INPP4A: variants seen among roughly 807,000 people sequenced by gnomAD.
INPP4A encodes inositol polyphosphate-4-phosphatase, type I, 107kD.
Under a neutral mutation model 119.8 loss-of-function variants are expected in INPP4A, and 33 were observed. The ratio of observed to expected loss-of-function variants is 0.28; its 90% confidence interval spans 0.21 to 0.37. INPP4A has a LOEUF of 0.37. Among genes scored for constraint, INPP4A ranks in the 10% least tolerant of loss-of-function variants. INPP4A has a pLI of 1.00. For missense variants in INPP4A, 956 were observed against 1,289.9 expected, an observed-to-expected ratio of 0.74 and a Z score of 3.97; for synonymous variants, 496 against 500.7, an observed-to-expected ratio of 0.99 and a Z score of 0.12.
chr2:98,501,325 CTT>C (rs1683076784), intron 1 of INPP4A, among the ~76,000 whole-genome samples: 2 of 151,440 alleles, frequency 1.3e-5, no homozygotes, highest in South Asian at 4.2e-4. Context: ...CAGAACAAGA[CTT>C]TGTCTCAAAA....
intron 1 of INPP4A, among the ~76,000 whole-genome samples, chr2:98,455,877 T>C (rs1325417130): frequency 6.6e-6 from 1 of 152,214 alleles, no homozygotes; most frequent in Non-Finnish European, 1.5e-5. Flanking sequence ...GATATGTCAG[T>C]GGAGAGGGAA....
intron 1 of INPP4A, among the ~76,000 whole-genome samples, chr2:98,450,862 C>T (rs977368455): frequency 6.6e-6 from 1 of 152,142 alleles, no homozygotes; most frequent in African/African-American, 2.4e-5. Context: ...ACCTCCGCCC[C>T]CTGGGTTCAA....
intron 15 of INPP4A, 50 bp from the exon 16 acceptor site, chr2:98,555,503 G>T (rs200475920): frequency 6.5e-6 from 10 of 1,546,360 alleles, no homozygotes; most frequent in Non-Finnish European, 8.8e-6. Flanking sequence ...TGTTATGTTT[G>T]TGTTTCTGTT....
chr2:98,460,212 G>A (rs145831114), intron 1 of INPP4A, among the ~76,000 whole-genome samples: 64 of 152,236 alleles, frequency 4.2e-4, no homozygotes, highest in African/African-American at 1.5e-3. Flanking sequence ...GTGCAAGGGT[G>A]CAGAGAAGCC....
chr2:98,470,248 C>T (rs933141369), intron 1 of INPP4A, among the ~76,000 whole-genome samples: 5 of 152,232 alleles, frequency 3.3e-5, no homozygotes, highest in South Asian at 2.1e-4. Flanking sequence ...GACTGGGGAG[C>T]GGCCCCTGGA....
intron 10 of INPP4A, among the ~76,000 whole-genome samples, chr2:98,542,994 A>C (rs1691779547): frequency 6.6e-6 from 1 of 151,178 alleles, no homozygotes; most frequent in Admixed American, 6.6e-5. Context: ...ATCCTGGCTC[A>C]CTGCAAGCCC....
rs74831847 is a variant in INPP4A, at chr2:98,554,381, T to G, written c.1458T>G (p.Thr486=). The G allele has an allele frequency of 1.9e-6, 3 of 1,613,742 alleles. No individual in the cohort carries two copies. Among genetic ancestry groups the G allele is most frequent in the Non-Finnish European group, 2.5e-6 (3 of 1,179,798 alleles). Residue 486 remains threonine, a synonymous_variant, in exon 15 of 25, where the codon ACT becomes ACG. Coordinates refer to ENST00000409851, the MANE Select transcript of INPP4A (RefSeq NM_001134225.2). The surrounding 1 kb of genome is among the most constrained non-coding windows in gnomAD (Gnocchi z 4.7). The part of the protein sequence containing the change: ...YIASKASPTS[T]EEEQVMLRND... ...CCTCCAAGGCCTCTCCCACTTCGAC[T>G]GAGGAGGAGCAGGTGATGCTTAGAA...
intron 1 of INPP4A, among the ~76,000 whole-genome samples, chr2:98,490,975 T>G (rs1574706401): frequency 6.6e-6 from 1 of 152,072 alleles, no homozygotes; most frequent in Non-Finnish European, 1.5e-5. Context: ...CATTTTAATT[T>G]AAAAAATTAC....
intron 1 of INPP4A, among the ~76,000 whole-genome samples, chr2:98,475,850 A>G (rs1677094870): frequency 1.3e-5 from 2 of 152,210 alleles, no homozygotes; most frequent in Non-Finnish European, 2.9e-5. Context: ...CTTGCCTGCC[A>G]CTAATTTTAA....
chr2:98,457,406 CA>C (rs967071887), intron 1 of INPP4A, among the ~76,000 whole-genome samples: 1 of 152,178 alleles, frequency 6.6e-6, no homozygotes. Context: ...AACAAACAAA[CA>C]AAAACAGGAT....
intron 23 of INPP4A, among the ~76,000 whole-genome samples, chr2:98,576,767 C>T (rs569237407): frequency 6.6e-6 from 1 of 152,330 alleles, no homozygotes; most frequent in African/African-American, 2.4e-5. Flanking sequence ...CTACAGGCGG[C>T]AGGCCCCCAA....
intron 4 of INPP4A, among the ~76,000 whole-genome samples, chr2:98,526,060 A>G (rs747415060): frequency 1.3e-5 from 2 of 152,268 alleles, no homozygotes; most frequent in African/African-American, 2.4e-5. Flanking sequence ...CCAAATGTCT[A>G]TTAACAGTAG....
At chr2:98,538,123 T>C (rs1444638028) in intron 8 of INPP4A, 149 bp downstream of exon 8, 3 of 588,990 alleles carry the variant, frequency 5.1e-6, no homozygotes, top group African/African-American at 3.7e-5. Context: ...CGGTCCTCCT[T>C]AGGCACACCT....
chr2:98,544,803 A>G (rs1410635840), intron 11 of INPP4A, among the ~76,000 whole-genome samples: 1 of 152,220 alleles, frequency 6.6e-6, no homozygotes, highest in African/African-American at 2.4e-5. Context: ...CCCATCCATA[A>G]ACTTGAATGA....
intron 1 of INPP4A, among the ~76,000 whole-genome samples, chr2:98,505,330 T>C (rs768548367): frequency 6.6e-6 from 1 of 152,218 alleles, no homozygotes; most frequent in Non-Finnish European, 1.5e-5. Flanking sequence ...GGGACTGTTG[T>C]GTCTCATGAG....
intron 24 of INPP4A, among the ~76,000 whole-genome samples, chr2:98,583,054 A>G (rs934747849): frequency 2.0e-5 from 3 of 152,122 alleles, no homozygotes; most frequent in Non-Finnish European, 4.4e-5. Flanking sequence ...AGACACAGAA[A>G]GATCACCTAC....
At chr2:98,475,296 AT>A (rs1456602354) in intron 1 of INPP4A, among the ~76,000 whole-genome samples, 1 of 152,166 alleles carries the variant, frequency 6.6e-6, no homozygotes, top group Non-Finnish European at 1.5e-5. Flanking sequence ...TTCATGCTGC[AT>A]TCTGTGTGTG....
At chr2:98,536,489 T>A (rs1690291458) in intron 7 of INPP4A, among the ~76,000 whole-genome samples, 1 of 152,242 alleles carries the variant, frequency 6.6e-6, no homozygotes, top group Admixed American at 6.5e-5. Context: ...CTCCATTATT[T>A]AGCCCCTCCC....
Position 98,586,467 on chromosome 2 carries a change from G to A in INPP4A, c.2787-1009G>A, listed in dbSNP as rs1351443511. 2.6e-5 allele frequency among the ~76,000 whole-genome samples: 4 copies of A among 152,056 alleles called. No homozygotes were observed. In the East Asian group the frequency reaches 7.7e-4, roughly 29 times the overall value. On this transcript the variant is annotated intron_variant, in intron 24 of 24. Coordinates refer to ENST00000409851, the MANE Select transcript of INPP4A (RefSeq NM_001134225.2). Reference sequence around the variant, plus strand: ...TTTGTACTAAATTTGATAACTAGTTGATTTCACTGCTAGTCTTAGAACAGC... The same window carrying A: ...TTTGTACTAAATTTGATAACTAGTTAATTTCACTGCTAGTCTTAGAACAGC...
Sources: allele counts gnomAD v4.1 joint callset (sites outside exome capture counted in the v4.1 genomes callset), GRCh38; gene constraint gnomAD v4.1.1; non-coding constraint Gnocchi (gnomAD v3.1); transcripts MANE v1.5; gene names NCBI Gene and HGNC (gene_info 2026-07-23, HGNC 2026-07-21).